SRGAP1: variants seen among roughly 807,000 people sequenced by gnomAD.
The protein encoded by SRGAP1 is SLIT-ROBO Rho GTPase activating protein 1.
SRGAP1 carries 43 observed loss-of-function variants against 121.9 expected under a neutral mutation model. The observed-to-expected ratio is 0.35, with a 90% CI of 0.28 to 0.46. The LOEUF is 0.46. Ranked by LOEUF, SRGAP1 falls within the 20% of genes least tolerant of loss-of-function variation. The probability of loss-of-function intolerance (pLI) is 1.00; values close to 1 mark genes in which losing one functional copy is unlikely to be tolerated. For missense variants in SRGAP1, 1,102 were observed against 1,350.9 expected, an observed-to-expected ratio of 0.82 and a Z score of 2.89; for synonymous variants, 447 against 485.4, an observed-to-expected ratio of 0.92 and a Z score of 1.04.
chr12:63,969,027 T>C (rs1223671775), intron 1 of SRGAP1, among the ~76,000 whole-genome samples: 1 of 152,210 alleles, frequency 6.6e-6, no homozygotes, highest in Non-Finnish European at 1.5e-5. Context: ...AAAATCGTAC[T>C]GTGGGTCGGT....
intron 1 of SRGAP1, among the ~76,000 whole-genome samples, chr12:63,924,032 T>C (rs1379696630): frequency 1.3e-5 from 2 of 152,014 alleles, no homozygotes; most frequent in African/African-American, 4.8e-5. Flanking sequence ...TCCCAGCTAC[T>C]TGAGAGGCCA....
intron 1 of SRGAP1, among the ~76,000 whole-genome samples, chr12:63,909,567 C>T (rs907357739): frequency 2.0e-5 from 3 of 152,202 alleles, no homozygotes; most frequent in Non-Finnish European, 2.9e-5. Context: ...TAGGCACACT[C>T]TCTGTGTTCC....
intron 1 of SRGAP1, among the ~76,000 whole-genome samples, chr12:63,861,940 G>A (rs1228383888): frequency 6.6e-6 from 1 of 152,126 alleles, no homozygotes; most frequent in East Asian, 1.9e-4. Flanking sequence ...TGGCCGACAT[G>A]GTAAACCCCG....
intron 17 of SRGAP1, among the ~76,000 whole-genome samples, chr12:64,115,060 A>C (rs1181810405): frequency 1.3e-5 from 2 of 152,226 alleles, no homozygotes; most frequent in Admixed American, 6.5e-5. Flanking sequence ...ATTCTCATAC[A>C]GATATGCAAT....
chr12:64,065,838 A>G (rs1466572755), intron 8 of SRGAP1, among the ~76,000 whole-genome samples: 1 of 152,256 alleles, frequency 6.6e-6, no homozygotes, highest in Non-Finnish European at 1.5e-5. Context: ...GAACAAAATC[A>G]TATTTTCAAA....
chr12:64,142,616 A>C lies in SRGAP1; in HGVS notation c.3202A>C (p.Thr1068Pro). The C allele has an allele frequency of 1.2e-6, 2 of 1,614,064 alleles. No individual in the cohort carries two copies. Among genetic ancestry groups the C allele is most frequent in the Non-Finnish European group, 8.5e-7 (1 of 1,180,008 alleles). Residue 1068 changes from threonine (T) to proline (P), a missense_variant, in exon 22 of 22, where the codon ACC becomes CCC. By Grantham distance (38) the Thr-to-Pro change is conservative. Transcript: ENST00000355086. The part of the protein sequence containing the change: ...KPAVLPKTNP[T>P]IGPAPPPQGP... ...TGCTGTTCTTCCAAAAACAAATCCTACCATAGGACCTGCCCCACCTCCCCA... is the reference window on the plus strand; with the variant it reads ...TGCTGTTCTTCCAAAAACAAATCCTCCCATAGGACCTGCCCCACCTCCCCA...
chr12:64,018,281 G>C (rs1021597145), intron 4 of SRGAP1, among the ~76,000 whole-genome samples: 2 of 152,104 alleles, frequency 1.3e-5, no homozygotes, highest in African/African-American at 4.8e-5. Flanking sequence ...AGTAGAGACA[G>C]GGTTTCGCCA....
intron 1 of SRGAP1, among the ~76,000 whole-genome samples, chr12:63,921,362 T>G (rs2031035637): frequency 6.6e-6 from 1 of 152,210 alleles, no homozygotes; most frequent in African/African-American, 2.4e-5. Context: ...CAAGACTTCT[T>G]TATTGCCTTT....
intron 1 of SRGAP1, among the ~76,000 whole-genome samples, chr12:63,976,744 T>C (rs2033106149): frequency 6.6e-6 from 1 of 152,190 alleles, no homozygotes; most frequent in Non-Finnish European, 1.5e-5. Context: ...AGTATTGTTT[T>C]ATAAAATGAA....
chr12:64,132,531 A>G (rs987630551), intron 21 of SRGAP1, among the ~76,000 whole-genome samples: 1 of 152,240 alleles, frequency 6.6e-6, no homozygotes, highest in Admixed American at 6.5e-5. Flanking sequence ...TCTTGTTTGC[A>G]GGAGGGGCCA....
At position 64,079,023 on chromosome 12, in the gene SRGAP1, A is replaced by T. The variant is rs789710; in HGVS notation, c.1230A>T (p.Ser410=). 1,609,383 of 1,614,148 alleles carry T rather than the reference A, an allele frequency of 1. 802,449 individuals are homozygous for T. The highest frequency in any genetic ancestry group is 1 in the East Asian group (44,848 of 44,848). The part of the protein sequence containing the change: ...ECFQHSRSTE[S]VKSTVSETYL... ...TCCAGCACAGTCGTTCCACAGAATC[A>T]GTGAAGTCCACTGTCTCTGAAACCT... The change falls in exon 9 of 22, where the codon TCA becomes TCT. Residue 410 remains serine, a synonymous_variant. Coordinates refer to ENST00000355086, the MANE Select transcript of SRGAP1 (RefSeq NM_020762.4).
At position 64,114,599 on chromosome 12, in the gene SRGAP1, C is replaced by T. The variant is rs866118970; in HGVS notation, c.2145-1215C>T. Among the ~76,000 whole-genome samples the T allele has an allele frequency of 2.1e-4, 32 of 152,300 alleles. 1 individual carries two copies. Among genetic ancestry groups the T allele is most frequent in the African/African-American group, 7.2e-4 (30 of 41,570 alleles). ...TTCCTGACCTCAGGTGATCCACCCA[C>T]CTTGGCCTTCCAAAGTGCTGGGATT... On this transcript the variant is annotated intron_variant, in intron 17 of 21. Coordinates refer to ENST00000355086, the MANE Select transcript of SRGAP1 (RefSeq NM_020762.4).
intron 21 of SRGAP1, among the ~76,000 whole-genome samples, chr12:64,133,257 C>A (rs2036812444): frequency 6.6e-6 from 1 of 152,166 alleles, no homozygotes. Context: ...TCCATTTGGC[C>A]TTTCCCACCA....
intron 21 of SRGAP1, among the ~76,000 whole-genome samples, chr12:64,133,289 TC>T (rs1236520358): frequency 6.6e-6 from 1 of 152,214 alleles, no homozygotes; most frequent in African/African-American, 2.4e-5. Context: ...ACCCTACCAG[TC>T]CAGAGCCAAT....
At chr12:63,973,219 A>G (rs532013056) in intron 1 of SRGAP1, among the ~76,000 whole-genome samples, 2 of 152,296 alleles carry the variant, frequency 1.3e-5, no homozygotes, top group South Asian at 2.1e-4. Flanking sequence ...TGCTGCATCA[A>G]CTCTCATTGG....
rs751471420 is a variant in SRGAP1 at position 64,062,896 on chromosome 12, G to T, written c.802-21G>T. The T allele has an allele frequency of 5.7e-6, 9 of 1,578,782 alleles. No homozygotes were observed. In the South Asian group the frequency reaches 7.9e-5, roughly 14 times the overall value. ...CAATTTTGCATTCATTTTTGTATGT[G>T]GTGTTCTTTTACTTTTTAAGTGCTG... is the stretch of plus-strand genomic sequence containing the variant. On this transcript the variant is annotated intron_variant, in intron 6 of 21. Transcript: ENST00000355086.
chr12:63,922,472 T>G (rs1337039787), intron 1 of SRGAP1, among the ~76,000 whole-genome samples: 1 of 152,178 alleles, frequency 6.6e-6, no homozygotes, highest in African/African-American at 2.4e-5. Context: ...AAGTTTCTCT[T>G]TACTTAGCAT....
At chr12:64,001,164 G>T (rs1267220240) in intron 3 of SRGAP1, among the ~76,000 whole-genome samples, 1 of 152,166 alleles carries the variant, frequency 6.6e-6, no homozygotes, top group African/African-American at 2.4e-5. Flanking sequence ...CACAGATTAG[G>T]TCTTATATAT....
At chr12:64,020,576 C>T (rs1039817631) in intron 4 of SRGAP1, among the ~76,000 whole-genome samples, 1 of 152,210 alleles carries the variant, frequency 6.6e-6, no homozygotes, top group African/African-American at 2.4e-5. Flanking sequence ...GCTACAGTGG[C>T]TTATGCCTGT....
Sources: allele counts gnomAD v4.1 joint callset (sites outside exome capture counted in the v4.1 genomes callset), GRCh38; gene constraint gnomAD v4.1.1; transcripts MANE v1.5; gene names NCBI Gene and HGNC (gene_info 2026-07-23, HGNC 2026-07-21).